The following ANKRD12 variants were observed in gnomAD, a reference collection of about 807,000 sequenced individuals.
The protein encoded by ANKRD12 is ankyrin repeat domain-containing protein 12.
ANKRD12 carries 85 observed loss-of-function variants against 183.4 expected under a neutral mutation model. The observed-to-expected ratio is 0.46, with a 90% CI of 0.39 to 0.56. The LOEUF is 0.56. Among genes scored for constraint, ANKRD12 ranks in the 20% least tolerant of loss-of-function variants. The pLI is 0.00. For missense variants in ANKRD12, 2,405 were observed against 2,357.1 expected (o/e 1.02, Z -0.42); for synonymous variants, 914 against 800.2 (o/e 1.14, Z -2.40).
intron 9 of ANKRD12, among the ~76,000 whole-genome samples, chr18:9,262,025 G>A (rs2038996806): frequency 6.6e-6 from 1 of 152,226 alleles, no homozygotes; most frequent in South Asian, 2.1e-4. Context: ...TGCAATTAGA[G>A]GCCTGAGAAA....
chr18:9,258,167 G>A lies in ANKRD12; in HGVS notation c.4900G>A (p.Glu1634Lys), dbSNP rs1482110782. Residue 1634 changes from glutamate (E) to lysine (K), a missense_variant, in exon 9 of 13, where the codon GAA (glutamate) becomes AAA (lysine). By Grantham distance (56) the Glu-to-Lys change is moderately conservative. This residue lies in a region of ANKRD12 where 1,983 missense variants were observed against 1,725.9 expected (regional missense o/e 1.15). Coordinates refer to ENST00000262126, the MANE Select transcript of ANKRD12 (RefSeq NM_015208.5). Reference sequence around the variant, plus strand: ...TACTCAGGTCATTTCACATGAAAAAGAAAACAAACTGGAGAGTTTGGTTTT... The same window carrying A: ...TACTCAGGTCATTTCACATGAAAAAAAAAACAAACTGGAGAGTTTGGTTTT... ...TDTQVISHEK[E>K]NKLESLVLTH... 1.2e-6 allele frequency: 2 copies of A among 1,613,778 alleles called. No homozygotes were observed. The highest frequency in any genetic ancestry group is 2.2e-5 in the South Asian group (2 of 91,068).
intron 8 of ANKRD12, among the ~76,000 whole-genome samples, chr18:9,242,098 C>A (rs1207177354): frequency 6.6e-6 from 1 of 151,978 alleles, no homozygotes; most frequent in African/African-American, 2.4e-5. Flanking sequence ...CTGCTTGCAG[C>A]TGCAGTGTTT....
At position 9,136,970 on chromosome 18, in the gene ANKRD12, G is replaced by C. The variant is rs538715164; in HGVS notation, c.-52+5G>C. ...CCTGCGCCGGCCTTGCCTCGGGTCCGTACGGGTGAGGGGGGCGTGGCGACA... is the reference window on the plus strand; with the variant it reads ...CCTGCGCCGGCCTTGCCTCGGGTCCCTACGGGTGAGGGGGGCGTGGCGACA... On this transcript the variant is annotated splice_donor_5th_base_variant and intron_variant, in intron 1 of 12. Coordinates refer to ENST00000262126, the MANE Select transcript of ANKRD12 (RefSeq NM_015208.5). 29 of 152,610 alleles carry C rather than the reference G, an allele frequency of 1.9e-4. No individual in the cohort carries two copies. The highest frequency in any genetic ancestry group is 1.8e-3 in the Admixed American group (28 of 15,310). 9.5% of individuals were successfully genotyped at this position (152,610 alleles called of 1,614,324 possible). A position where few individuals can be genotyped will look rare whatever the true frequency, so the allele number is the denominator to read the frequency against.
chr18:9,156,600 A>G lies in ANKRD12; in HGVS notation c.-52+19635A>G, dbSNP rs145776095. On this transcript the variant is annotated intron_variant, in intron 1 of 12. Transcript: ENST00000262126. ...TCTGATCTTTGGCTAGAGAAGCTTT[A>G]TATCTAAAAGCAAAGGAAGGATTTA... Among the ~76,000 whole-genome samples, 18 of 152,344 alleles carry G rather than the reference A, an allele frequency of 1.2e-4. No individual in the cohort carries two copies. The East Asian group carries it at 3.3e-3, about 28-fold the overall frequency.
chr18:9,257,196 G>T lies in ANKRD12; in HGVS notation c.3929G>T (p.Cys1310Phe). Residue 1310 changes from cysteine (C) to phenylalanine (F), a missense_variant, in exon 9 of 13, where the codon TGT (cysteine) becomes TTT (phenylalanine). This residue lies in a region of ANKRD12 where 1,983 missense variants were observed against 1,725.9 expected (regional missense o/e 1.15). Transcript: ENST00000262126. ...AGACCTACCATAGAAGTTCGAAGAT[G>T]TAGCATGCCTTCTGTCATTTGTGAA... Reference protein sequence around the residue: ...EGRPTIEVRRCSMPSVICEHT... With the variant: ...EGRPTIEVRRFSMPSVICEHT... The T allele has an allele frequency of 5.0e-6, 8 of 1,614,170 alleles. No individual in the cohort carries two copies. Among genetic ancestry groups the T allele is most frequent in the Non-Finnish European group, 6.8e-6 (8 of 1,179,992 alleles).
At chr18:9,171,340 T>C (rs967777065) in intron 1 of ANKRD12, among the ~76,000 whole-genome samples, 5 of 152,190 alleles carry the variant, frequency 3.3e-5, no homozygotes, top group African/African-American at 9.7e-5. Flanking sequence ...TGAAATGGAT[T>C]TCTTGAAGAC....
At chr18:9,193,135 ATT>A (rs397751904) in intron 2 of ANKRD12, among the ~76,000 whole-genome samples, 29 of 128,380 alleles carry the variant, frequency 2.3e-4, no homozygotes, top group Admixed American at 4.0e-4. Context: ...TGAGTACAGC[ATT>A]TTTTTTTTTT....
intron 1 of ANKRD12, among the ~76,000 whole-genome samples, chr18:9,145,105 A>G (rs1299557409): frequency 6.6e-6 from 1 of 152,104 alleles, no homozygotes; most frequent in Non-Finnish European, 1.5e-5. Flanking sequence ...AACAAGTATC[A>G]TAGATATAAT....
intron 9 of ANKRD12, among the ~76,000 whole-genome samples, chr18:9,261,602 T>G (rs1305169279): frequency 2.0e-5 from 3 of 152,202 alleles, no homozygotes; most frequent in Admixed American, 2.0e-4. Context: ...TCTTAAGTTC[T>G]TAGAACATCA....
Position 9,182,518 on chromosome 18 carries a change from A to C in ANKRD12, c.86A>C (p.Lys29Thr), listed in dbSNP as rs1487608988. 2.5e-6 allele frequency: 4 copies of C among 1,591,036 alleles called. No individual in the cohort carries two copies. Among genetic ancestry groups the C allele is most frequent in the Non-Finnish European group, 3.4e-6 (4 of 1,165,404 alleles). ...SNMVEKPYGR[K>T]SKDKIASYSK... ...ATGGTAGAGAAACCATATGGAAGAAAGGTATATGATTATACTAAAGATTTG... is the reference window on the plus strand; with the variant it reads ...ATGGTAGAGAAACCATATGGAAGAACGGTATATGATTATACTAAAGATTTG... Residue 29 changes from lysine (K) to threonine (T), a missense_variant and splice_region_variant, in exon 2 of 13, where the codon AAG (lysine) becomes ACG (threonine). Around this residue, in one of 7 missense-constraint regions of ANKRD12, gnomAD observed 145 missense variants for 145.6 expected, o/e 1.00. Coordinates refer to ENST00000262126, the MANE Select transcript of ANKRD12 (RefSeq NM_015208.5).
At chr18:9,212,708 A>G (rs952123773) in intron 6 of ANKRD12, among the ~76,000 whole-genome samples, 23 of 151,892 alleles carry the variant, frequency 1.5e-4, no homozygotes, top group African/African-American at 5.3e-4. Flanking sequence ...TTCTGTATCA[A>G]TTCATACTAC....
chr18:9,171,492 G>A (rs921731223), intron 1 of ANKRD12, among the ~76,000 whole-genome samples: 3 of 152,094 alleles, frequency 2.0e-5, no homozygotes, highest in African/African-American at 7.2e-5. Flanking sequence ...TTATTTGTTA[G>A]ACTTGTTTAT....
chr18:9,201,254 T>G (rs1171160879), intron 3 of ANKRD12, among the ~76,000 whole-genome samples: 1 of 152,184 alleles, frequency 6.6e-6, no homozygotes, highest in Non-Finnish European at 1.5e-5. Context: ...ATTAATAAAG[T>G]TTCCACCTAA....
chr18:9,225,547 T>C (rs1322674707), intron 8 of ANKRD12, among the ~76,000 whole-genome samples: 1 of 152,086 alleles, frequency 6.6e-6, no homozygotes, highest in Non-Finnish European at 1.5e-5. Context: ...TACTAATTTT[T>C]CCCCCTACTC....
chr18:9,177,873 C>A (rs1001154710), intron 1 of ANKRD12, among the ~76,000 whole-genome samples: 4 of 152,112 alleles, frequency 2.6e-5, no homozygotes, highest in Non-Finnish European at 5.9e-5. Flanking sequence ...GCATCTTTTC[C>A]TGTGCTTATT....
intron 1 of ANKRD12, among the ~76,000 whole-genome samples, chr18:9,171,749 G>T (rs772038978): frequency 1.3e-5 from 2 of 152,030 alleles, no homozygotes; most frequent in Non-Finnish European, 2.9e-5. Context: ...GGCCAGGTGC[G>T]GTGGCTCACG....
intron 1 of ANKRD12, among the ~76,000 whole-genome samples, chr18:9,157,031 G>A (rs1367282386): frequency 6.6e-6 from 1 of 152,212 alleles, no homozygotes; most frequent in Non-Finnish European, 1.5e-5. Context: ...AGATGATCAA[G>A]TTCTAGAGAT....
rs1182880471 is a variant in ANKRD12 at position 9,258,874 on chromosome 18, A to G, written c.5607A>G (p.Thr1869=). 3.6e-5 allele frequency: 58 copies of G among 1,613,080 alleles called. No individual in the cohort carries two copies. Among genetic ancestry groups the G allele is most frequent in the Non-Finnish European group, 4.8e-5 (57 of 1,179,590 alleles). The part of the protein sequence containing the change: ...QAPQYYDEYV[T]FNGSYLLDGN... The stretch of plus-strand genomic sequence containing the variant: ...CTCAGTACTATGACGAATATGTAAC[A>G]TTTAACGGATCATATCTCCTGGATG... Residue 1869 remains threonine, a synonymous_variant, in exon 9 of 13, where the codon ACA becomes ACG. Transcript: ENST00000262126.
At chr18:9,262,633 A>T (rs189287204) in intron 9 of ANKRD12, among the ~76,000 whole-genome samples, 1 of 149,774 alleles carries the variant, frequency 6.7e-6, no homozygotes, top group East Asian at 2.0e-4. Context: ...CTAATTTTTA[A>T]ATTTTTTTTT....
Sources: gnomAD v4.1 joint callset for allele counts (sites outside exome capture counted in the v4.1 genomes callset) on GRCh38, gnomAD v4.1.1 for gene constraint, gnomAD v4.1.1 regional missense constraint, MANE v1.5 for transcripts, NCBI Gene and HGNC (gene_info 2026-07-23, HGNC 2026-07-21) for gene names.